LRMDA: variants seen among roughly 807,000 people sequenced by gnomAD.
The protein encoded by LRMDA is leucine rich melanocyte differentiation associated.
A neutral mutation model predicts 29.8 loss-of-function variants in LRMDA; 18 were observed. The ratio of observed to expected loss-of-function variants is 0.60; its 90% confidence interval spans 0.42 to 0.90. LRMDA has a LOEUF of 0.90. Ranked by LOEUF, LRMDA falls within the 40% of genes least tolerant of loss-of-function variation. LRMDA has a pLI of 0.00. For synonymous variants in LRMDA, 125 were observed against 109.4 expected (o/e 1.14, Z -0.89); for missense variants, 273 against 273.9 (o/e 1.00, Z 0.02).
intron 2 of LRMDA, among the ~76,000 whole-genome samples, chr10:75,599,556 A>C (rs1840853513): frequency 6.6e-6 from 1 of 152,162 alleles, no homozygotes; most frequent in South Asian, 2.1e-4. Flanking sequence ...AGCTGGGGCA[A>C]AGCAGGATGT....
At chr10:75,586,881 TATCA>T (rs1408805688) in intron 2 of LRMDA, among the ~76,000 whole-genome samples, 1 of 152,184 alleles carries the variant, frequency 6.6e-6, no homozygotes, top group African/African-American at 2.4e-5. Flanking sequence ...ATTAACCTCT[TATCA>T]GGCATATGGT....
chr10:75,597,499 T>C (rs1423489290), intron 2 of LRMDA, among the ~76,000 whole-genome samples: 1 of 152,124 alleles, frequency 6.6e-6, no homozygotes, highest in Non-Finnish European at 1.5e-5. Context: ...TCTGGGATAT[T>C]GTTTAAATAC....
At chr10:76,495,566 T>C (rs1842873799) in intron 6 of LRMDA, among the ~76,000 whole-genome samples, 2 of 151,834 alleles carry the variant, frequency 1.3e-5, no homozygotes, top group Admixed American at 6.6e-5. Flanking sequence ...ATAGATCTTA[T>C]AGGAAAAAAT....
At chr10:76,321,035 C>G (rs910250462) in intron 5 of LRMDA, among the ~76,000 whole-genome samples, 2 of 151,922 alleles carry the variant, frequency 1.3e-5, no homozygotes, top group Non-Finnish European at 2.9e-5. Flanking sequence ...CTCTTAAATA[C>G]TAAATATTAT....
At chr10:76,221,024 A>G (rs570916351) in intron 5 of LRMDA, among the ~76,000 whole-genome samples, 2 of 152,338 alleles carry the variant, frequency 1.3e-5, no homozygotes, top group Admixed American at 6.5e-5. Context: ...CAAAAACCAC[A>G]TGATTATCTC....
rs116767144 is a variant in LRMDA at position 75,499,381 on chromosome 10, A to G, written c.131+60887A>G. On this transcript the variant is annotated intron_variant, in intron 2 of 6. Transcript: ENST00000611255. ...GTGGACTAGTGAAGAGAGGATGGGA[A>G]GTGAAGCCAAGCTGCCTGGAGTGAG... Among the ~76,000 whole-genome samples, 437 of 152,292 alleles carry G rather than the reference A, an allele frequency of 2.9e-3. 3 individuals are homozygous for G. Among genetic ancestry groups the G allele is most frequent in the African/African-American group, 0.01 (424 of 41,552 alleles).
At chr10:75,969,956 T>C (rs924940357) in intron 2 of LRMDA, among the ~76,000 whole-genome samples, 2 of 152,190 alleles carry the variant, frequency 1.3e-5, no homozygotes, top group African/African-American at 4.8e-5. Context: ...CAAATGGAAT[T>C]GTCTGAGATA....
In LRMDA at chr10:75,565,683, G is replaced by A. The variant is rs991955819; in HGVS notation, c.131+127189G>A. ...TTTACTAGCCAATAAATAAAGTCAT[G>A]GAAAGGTATGTTATTTTTTTGCTGG... On this transcript the variant is annotated intron_variant, in intron 2 of 6. Coordinates refer to ENST00000611255, the MANE Select transcript of LRMDA (RefSeq NM_001305581.2). Among the ~76,000 whole-genome samples, 4 of 152,178 alleles carry A rather than the reference G, an allele frequency of 2.6e-5. No individual in the cohort carries two copies. In the South Asian group the frequency reaches 8.3e-4, roughly 32 times the overall value.
At chr10:76,417,006 A>G (rs560692267) in intron 6 of LRMDA, among the ~76,000 whole-genome samples, 7 of 152,322 alleles carry the variant, frequency 4.6e-5, no homozygotes, top group South Asian at 2.1e-4. Context: ...GAGCTGGACA[A>G]TTCTACTCTG....
intron 5 of LRMDA, among the ~76,000 whole-genome samples, chr10:76,143,890 C>T (rs1291248728): frequency 6.6e-6 from 1 of 152,156 alleles, no homozygotes; most frequent in African/African-American, 2.4e-5. Context: ...GGAAGGGATC[C>T]AGTTTCAGCT....
intron 2 of LRMDA, among the ~76,000 whole-genome samples, chr10:75,549,209 G>A (rs79672369): frequency 0.023 from 3,536 of 152,068 alleles, 67 homozygotes; most frequent in Non-Finnish European, 0.036. Flanking sequence ...TTCTTGACAC[G>A]TTCACCATTT....
chr10:75,862,285 G>T (rs879350166), intron 2 of LRMDA, among the ~76,000 whole-genome samples: 15 of 152,018 alleles, frequency 9.9e-5, no homozygotes, highest in Non-Finnish European at 1.8e-4. Flanking sequence ...TTGGACTTGG[G>T]TTCAGGCTAC....
At chr10:76,055,868 T>C (rs1215487698) in intron 4 of LRMDA, among the ~76,000 whole-genome samples, 2 of 152,220 alleles carry the variant, frequency 1.3e-5, no homozygotes, top group African/African-American at 4.8e-5. Context: ...CAGCCTTTGC[T>C]TGGGGAGCTG....
At chr10:76,468,284 A>C (rs1435829089) in intron 6 of LRMDA, among the ~76,000 whole-genome samples, 1 of 152,226 alleles carries the variant, frequency 6.6e-6, no homozygotes, top group Non-Finnish European at 1.5e-5. Flanking sequence ...TTCTCACTTC[A>C]GTCAAAATTT....
chr10:76,363,163 A>AGGG (rs1841336416), intron 6 of LRMDA, among the ~76,000 whole-genome samples: 9 of 38,856 alleles, frequency 2.3e-4, no homozygotes, highest in Non-Finnish European at 4.1e-4. Flanking sequence ...GAAAGAAAGA[A>AGGG]AGAAAGAAAG....
intron 5 of LRMDA, among the ~76,000 whole-genome samples, chr10:76,211,842 C>T (rs1851639618): frequency 6.6e-6 from 1 of 152,226 alleles, no homozygotes; most frequent in Non-Finnish European, 1.5e-5. Flanking sequence ...AGCTAAATGT[C>T]TTCAGAGTCT....
chr10:75,823,520 G>A (rs534211053), intron 2 of LRMDA, among the ~76,000 whole-genome samples: 28 of 152,248 alleles, frequency 1.8e-4, no homozygotes, highest in African/African-American at 6.5e-4. Flanking sequence ...TACACCGTTG[G>A]TGGGAATGTA....
intron 2 of LRMDA, among the ~76,000 whole-genome samples, chr10:75,741,755 A>C (rs1842832222): frequency 6.6e-6 from 1 of 152,138 alleles, no homozygotes; most frequent in Admixed American, 6.5e-5. Context: ...CAACAAGTAC[A>C]TGTAGAGCAC....
intron 6 of LRMDA, among the ~76,000 whole-genome samples, chr10:76,467,734 T>G (rs1022607534): frequency 3.9e-5 from 6 of 152,166 alleles, no homozygotes; most frequent in Non-Finnish European, 8.8e-5. Context: ...GCTCGGTCCT[T>G]CATGGAGGCT....
Sources: gnomAD v4.1 joint callset for allele counts (sites outside exome capture counted in the v4.1 genomes callset) on GRCh38, gnomAD v4.1.1 for gene constraint, MANE v1.5 for transcripts, NCBI Gene and HGNC (gene_info 2026-07-23, HGNC 2026-07-21) for gene names.